POU6F2: variants seen among roughly 807,000 people sequenced by gnomAD.
POU6F2 encodes the protein POU class 6 homeobox 2, also known as POU domain, class 6, transcription factor 2.
POU6F2 carries 31 observed loss-of-function variants against 71.3 expected under a neutral mutation model. The observed-to-expected ratio is 0.43, with a 90% CI of 0.33 to 0.59. POU6F2 has a LOEUF of 0.59. Ranked by LOEUF, POU6F2 falls within the 20% of genes least tolerant of loss-of-function variation. The pLI, the probability that POU6F2 is intolerant of heterozygous loss-of-function variation, is 0.04. For synonymous variants in POU6F2, 347 were observed against 355.7 expected (o/e 0.98, Z 0.27); for missense variants, 783 against 856.8 (o/e 0.91, Z 1.07).
intron 1 of POU6F2, among the ~76,000 whole-genome samples, chr7:38,982,146 A>C (rs1788334835): frequency 6.6e-6 from 1 of 152,168 alleles, no homozygotes; most frequent in Non-Finnish European, 1.5e-5. Context: ...TATAAAAATG[A>C]AACACTGGGG....
chr7:39,393,179 AT>A (rs1383870409), intron 5 of POU6F2, among the ~76,000 whole-genome samples: 1 of 152,194 alleles, frequency 6.6e-6, no homozygotes, highest in East Asian at 1.9e-4. Context: ...TAACCAATAT[AT>A]TTTGTGAGCA....
chr7:39,265,787 T>C (rs1306606183), intron 4 of POU6F2, among the ~76,000 whole-genome samples: 1 of 152,186 alleles, frequency 6.6e-6, no homozygotes, highest in East Asian at 1.9e-4. Context: ...CCTACAGTGC[T>C]GCTTAACTAA....
chr7:39,272,623 T>C (rs1784361681), intron 4 of POU6F2, among the ~76,000 whole-genome samples: 1 of 152,256 alleles, frequency 6.6e-6, no homozygotes, highest in Non-Finnish European at 1.5e-5. Flanking sequence ...CCAAACATTC[T>C]TGAAACTGAA....
At chr7:39,128,856 A>G (rs1792196573) in intron 2 of POU6F2, among the ~76,000 whole-genome samples, 1 of 152,240 alleles carries the variant, frequency 6.6e-6, no homozygotes, top group South Asian at 2.1e-4. Context: ...TGAAGAAAGT[A>G]CATTTACCTC....
At chr7:39,170,299 T>C (rs1213235512) in intron 2 of POU6F2, among the ~76,000 whole-genome samples, 3 of 152,204 alleles carry the variant, frequency 2.0e-5, no homozygotes, top group African/African-American at 7.2e-5. Flanking sequence ...ATTCTTACAT[T>C]TTGTCTTTTT....
intron 2 of POU6F2, among the ~76,000 whole-genome samples, chr7:39,108,952 C>T (rs1055317624): frequency 1.3e-5 from 2 of 152,122 alleles, no homozygotes; most frequent in African/African-American, 2.4e-5. Flanking sequence ...TGTAAGCAAA[C>T]AACAATAACA....
At chr7:39,298,907 C>G (rs1489513950) in intron 4 of POU6F2, among the ~76,000 whole-genome samples, 1 of 152,040 alleles carries the variant, frequency 6.6e-6, no homozygotes, top group Admixed American at 6.6e-5. Context: ...AACACAGGAG[C>G]AGAAAACCAA....
At chr7:39,457,753 T>C (rs1471589648) in intron 8 of POU6F2, among the ~76,000 whole-genome samples, 2 of 152,138 alleles carry the variant, frequency 1.3e-5, no homozygotes, top group African/African-American at 2.4e-5. Context: ...AAAATCACAG[T>C]CCTAAAAGTG....
At chr7:39,251,386 A>T (rs898225988) in intron 4 of POU6F2, among the ~76,000 whole-genome samples, 3 of 152,208 alleles carry the variant, frequency 2.0e-5, no homozygotes, top group African/African-American at 7.2e-5. Context: ...AGTTTTGGCC[A>T]AAGAGAATGA....
chr7:39,001,546 G>A (rs1003145467), intron 1 of POU6F2, among the ~76,000 whole-genome samples: 17 of 152,176 alleles, frequency 1.1e-4, no homozygotes, highest in African/African-American at 3.9e-4. Flanking sequence ...TTGAGGATGG[G>A]AAATCTACTT....
At chr7:39,149,173 T>G (rs1040099556) in intron 2 of POU6F2, among the ~76,000 whole-genome samples, 5 of 152,194 alleles carry the variant, frequency 3.3e-5, no homozygotes, top group African/African-American at 1.2e-4. Context: ...CATTCCTCAC[T>G]GTCTCCCTCG....
chr7:39,015,599 T>G (rs1207860516), intron 1 of POU6F2, among the ~76,000 whole-genome samples: 1 of 97,346 alleles, frequency 1.0e-5, no homozygotes. Flanking sequence ...TATAGATATA[T>G]CTATGTTTTA....
At chr7:39,189,376 G>GTGTGTT (rs1793611695) in intron 2 of POU6F2, among the ~76,000 whole-genome samples, 1 of 151,142 alleles carries the variant, frequency 6.6e-6, no homozygotes, top group African/African-American at 2.4e-5. Flanking sequence ...TTTTGTTTGT[G>GTGTGTT]TGTTTGTTTG....
intron 4 of POU6F2, among the ~76,000 whole-genome samples, chr7:39,225,256 C>G (rs577810453): frequency 2.6e-5 from 4 of 152,108 alleles, no homozygotes; most frequent in Non-Finnish European, 5.9e-5. Context: ...TCACTTCAAC[C>G]TCTGCCTCCT....
At chr7:39,263,834 T>C (rs1469719984) in intron 4 of POU6F2, among the ~76,000 whole-genome samples, 1 of 152,194 alleles carries the variant, frequency 6.6e-6, no homozygotes, top group Admixed American at 6.5e-5. Flanking sequence ...GCAGGAACTG[T>C]TTTTACTTCA....
chr7:38,986,982 TAACC>T (rs1252691937), intron 1 of POU6F2, among the ~76,000 whole-genome samples: 2 of 152,178 alleles, frequency 1.3e-5, no homozygotes, highest in African/African-American at 4.8e-5. Context: ...GTGATTTATT[TAACC>T]AGTTCTCTCT....
chr7:39,195,109 TG>T (rs1006582497), intron 2 of POU6F2, among the ~76,000 whole-genome samples: 10 of 152,214 alleles, frequency 6.6e-5, no homozygotes, highest in Admixed American at 5.9e-4. Flanking sequence ...ATTTTTTTCT[TG>T]GAAAAATTAA....
At chr7:39,222,678 G>A (rs1024723329) in intron 4 of POU6F2, among the ~76,000 whole-genome samples, 1 of 152,122 alleles carries the variant, frequency 6.6e-6, no homozygotes, top group Non-Finnish European at 1.5e-5. Flanking sequence ...TTTTGTAACT[G>A]GCTTGTTTTG....
chr7:39,125,026 A>G (rs181537877), intron 2 of POU6F2, among the ~76,000 whole-genome samples: 7 of 152,158 alleles, frequency 4.6e-5, no homozygotes. Context: ...GTATTATATA[A>G]TTTATATAAA....
Sources: allele counts gnomAD v4.1 joint callset (sites outside exome capture counted in the v4.1 genomes callset), GRCh38; gene constraint gnomAD v4.1.1; transcripts MANE v1.5; gene names NCBI Gene and HGNC (gene_info 2026-07-23, HGNC 2026-07-21).